Variants in CDKAL1 observed in about 807,000 individuals in gnomAD.
The protein encoded by CDKAL1 is threonylcarbamoyladenosine tRNA methylthiotransferase.
Under a neutral mutation model 68.2 loss-of-function variants are expected in CDKAL1, and 32 were observed. That is an observed-to-expected ratio of 0.47 (90% CI 0.35 to 0.63). The LOEUF is 0.63. Ranked by LOEUF, CDKAL1 falls within the 30% of genes least tolerant of loss-of-function variation. The pLI is 0.00. For missense variants in CDKAL1, 606 were observed against 696.7 expected (o/e 0.87, Z 1.47); for synonymous variants, 234 against 244.3 (o/e 0.96, Z 0.39).
intron 4 of CDKAL1, among the ~76,000 whole-genome samples, chr6:20,560,697 A>G (rs1243584746): frequency 6.6e-6 from 1 of 152,202 alleles, no homozygotes; most frequent in Non-Finnish European, 1.5e-5. Context: ...TTTCCCACCA[A>G]TTCCTACTTT....
chr6:20,943,780 AT>A (rs368038248), intron 9 of CDKAL1, among the ~76,000 whole-genome samples: 3,905 of 143,814 alleles, frequency 0.027, 163 homozygotes, highest in African/African-American at 0.091. Flanking sequence ...ATTGATTGAT[AT>A]TTTTTTTTTT....
At chr6:21,004,820 A>G (rs1207002832) in intron 11 of CDKAL1, among the ~76,000 whole-genome samples, 1 of 151,960 alleles carries the variant, frequency 6.6e-6, no homozygotes, top group Non-Finnish European at 1.5e-5. Flanking sequence ...AAACTAGCTG[A>G]GCATGCTGAT....
intron 13 of CDKAL1, among the ~76,000 whole-genome samples, chr6:21,180,984 C>T (rs1288786887): frequency 2.6e-5 from 4 of 152,120 alleles, no homozygotes; most frequent in African/African-American, 9.7e-5. Context: ...AAGAGCCTGG[C>T]AGCAGCATCT....
At chr6:20,887,670 G>T (rs1489394112) in intron 9 of CDKAL1, among the ~76,000 whole-genome samples, 4 of 42,864 alleles carry the variant, frequency 9.3e-5, no homozygotes, top group Non-Finnish European at 2.6e-4. Flanking sequence ...GTCTGATGAG[G>T]TGCATAGGAT....
At chr6:20,846,594 C>T (rs970064792) in intron 9 of CDKAL1, among the ~76,000 whole-genome samples, 21 of 152,114 alleles carry the variant, frequency 1.4e-4, no homozygotes, top group African/African-American at 3.6e-4. Context: ...GGTTTGTAGA[C>T]GTCTTTGAAG....
chr6:20,548,050 A>T (rs971623763), intron 3 of CDKAL1, among the ~76,000 whole-genome samples: 1 of 152,154 alleles, frequency 6.6e-6, no homozygotes, highest in Admixed American at 6.5e-5. Flanking sequence ...GAAAAAGGAT[A>T]TTTTTTTATG....
At chr6:21,119,960 G>A (rs1274028758) in intron 13 of CDKAL1, among the ~76,000 whole-genome samples, 2 of 152,158 alleles carry the variant, frequency 1.3e-5, no homozygotes, top group Non-Finnish European at 2.9e-5. Context: ...AGGGAAGAGA[G>A]GCTTTTTTGT....
At chr6:21,204,458 A>G (rs1778819620) in intron 15 of CDKAL1, among the ~76,000 whole-genome samples, 1 of 152,190 alleles carries the variant, frequency 6.6e-6, no homozygotes, top group Admixed American at 6.5e-5. Flanking sequence ...TACAAACATA[A>G]TCCCAATATA....
In CDKAL1 at chr6:21,117,797, T is replaced by A. The variant is rs550808532; in HGVS notation, c.1299+9334T>A. ...CACAATGGAATGAAATACAAAATGA[T>A]TGTAAAACTTCCCCTTGGTTTACTA... is the stretch of plus-strand genomic sequence containing the variant. On this transcript the variant is annotated intron_variant, in intron 13 of 15. Coordinates refer to ENST00000274695, the MANE Select transcript of CDKAL1 (RefSeq NM_017774.3). Among the ~76,000 whole-genome samples the A allele has an allele frequency of 5.3e-5, 8 of 152,276 alleles. No individual in the cohort carries two copies. In the South Asian group the frequency reaches 1.7e-3, roughly 32 times the overall value.
intron 8 of CDKAL1, among the ~76,000 whole-genome samples, chr6:20,796,667 C>T (rs1346980445): frequency 6.6e-6 from 1 of 152,060 alleles, no homozygotes; most frequent in African/African-American, 2.4e-5. Flanking sequence ...ACTAACAAGT[C>T]CAGGAAGGTC....
At chr6:20,785,977 T>C (rs185351162) in intron 8 of CDKAL1, among the ~76,000 whole-genome samples, 1 of 152,186 alleles carries the variant, frequency 6.6e-6, no homozygotes, top group Non-Finnish European at 1.5e-5. Flanking sequence ...TCCCAGCACT[T>C]TGGGAGGCCA....
At chr6:20,865,670 A>G (rs1759872563) in intron 9 of CDKAL1, among the ~76,000 whole-genome samples, 1 of 152,176 alleles carries the variant, frequency 6.6e-6, no homozygotes, top group Non-Finnish European at 1.5e-5. Context: ...TTGAGATTGA[A>G]AATATTTAAA....
At chr6:20,642,560 C>T (rs188318526) in intron 4 of CDKAL1, among the ~76,000 whole-genome samples, 184 of 150,934 alleles carry the variant, frequency 1.2e-3, no homozygotes, top group Non-Finnish European at 2.3e-3. Context: ...ATGCATGTTA[C>T]ACCCTCACTG....
At chr6:21,027,835 G>A (rs1038193335) in intron 11 of CDKAL1, among the ~76,000 whole-genome samples, 10 of 152,184 alleles carry the variant, frequency 6.6e-5, no homozygotes, top group African/African-American at 2.4e-4. Flanking sequence ...TAAGACCAAT[G>A]AGAGTAACAG....
At chr6:20,982,846 T>C (rs1250968431) in intron 10 of CDKAL1, among the ~76,000 whole-genome samples, 1 of 152,192 alleles carries the variant, frequency 6.6e-6, no homozygotes, top group Non-Finnish European at 1.5e-5. Context: ...TTGTGACTTC[T>C]ATTTCATTTT....
intron 10 of CDKAL1, among the ~76,000 whole-genome samples, chr6:20,956,639 G>A (rs1450880945): frequency 6.6e-6 from 1 of 152,086 alleles, no homozygotes; most frequent in Non-Finnish European, 1.5e-5. Flanking sequence ...GAAATTTAAT[G>A]CAAATGCTAA....
chr6:20,718,234 T>G (rs1262938175), intron 5 of CDKAL1, among the ~76,000 whole-genome samples: 2 of 152,236 alleles, frequency 1.3e-5, no homozygotes, highest in Non-Finnish European at 2.9e-5. Flanking sequence ...CATATTTTCC[T>G]CATTTGTGGA....
At chr6:20,601,958 C>A (rs1228603322) in intron 4 of CDKAL1, among the ~76,000 whole-genome samples, 1 of 152,026 alleles carries the variant, frequency 6.6e-6, no homozygotes, top group Non-Finnish European at 1.5e-5. Flanking sequence ...GTAGGAAGAC[C>A]TAATGAAAAG....
chr6:21,155,083 T>C (rs1776586001), intron 13 of CDKAL1, among the ~76,000 whole-genome samples: 1 of 152,006 alleles, frequency 6.6e-6, no homozygotes, highest in South Asian at 2.1e-4. Flanking sequence ...CGTTTACTGC[T>C]GACCTATTGG....
Sources: allele counts gnomAD v4.1 joint callset (sites outside exome capture counted in the v4.1 genomes callset), GRCh38; gene constraint gnomAD v4.1.1; transcripts MANE v1.5; gene names NCBI Gene and HGNC (gene_info 2026-07-23, HGNC 2026-07-21).